Variants in KCNQ2 observed in about 807,000 individuals in gnomAD.
KCNQ2 encodes potassium voltage-gated channel subfamily KQT member 2.
Under a neutral mutation model 84.8 loss-of-function variants are expected in KCNQ2, and 14 were observed. The ratio of observed to expected loss-of-function variants is 0.17; its 90% CI spans 0.11 to 0.26. The LOEUF is 0.26. Ranked by LOEUF, KCNQ2 falls within the 10% of genes least tolerant of loss-of-function variation. The probability of loss-of-function intolerance (pLI) is 1.00; values close to 1 mark genes in which losing one functional copy is unlikely to be tolerated. For synonymous variants in KCNQ2, 599 were observed against 554.1 expected (o/e 1.08, Z -1.14); for missense variants, 788 against 1,254.0 (o/e 0.63, Z 5.61).
intron 1 of KCNQ2, among the ~76,000 whole-genome samples, chr20:63,455,408 G>A (rs912097442): frequency 2.6e-5 from 4 of 152,250 alleles, no homozygotes; most frequent in East Asian, 1.9e-4. Context: ...GACCGCGGGC[G>A]TCGGCTGGGG....
In KCNQ2 at chr20:63,460,208, G is replaced by A. The variant is rs1267033263; in HGVS notation, c.296+11960C>T. On this transcript the variant is annotated intron_variant, in intron 1 of 16. Transcript: ENST00000359125. The surrounding 1 kb of genome is among the most constrained non-coding windows in gnomAD (Gnocchi z 5.4). Reference sequence around the variant, plus strand: ...TGGCCTGGCCTGGGCTCCTGACCCTGCAGGTCCCTCCCTGGCCTTACCCAA... The same window carrying A: ...TGGCCTGGCCTGGGCTCCTGACCCTACAGGTCCCTCCCTGGCCTTACCCAA... Among the ~76,000 whole-genome samples the A allele has an allele frequency of 6.6e-6, 1 of 152,168 alleles. No individual in the cohort carries two copies. Among genetic ancestry groups the A allele is most frequent in the Non-Finnish European group, 1.5e-5 (1 of 68,022 alleles).
At chr20:63,439,974 G>A (rs1014607403) in intron 5 of KCNQ2, among the ~76,000 whole-genome samples, 1 of 152,250 alleles carries the variant, frequency 6.6e-6, no homozygotes, top group Non-Finnish European at 1.5e-5. Context: ...GAGGCCCAGC[G>A]ACGTGACTCC....
chr20:63,464,301 C>G (rs922706163), intron 1 of KCNQ2, among the ~76,000 whole-genome samples: 4 of 151,994 alleles, frequency 2.6e-5, no homozygotes, highest in African/African-American at 9.7e-5. Context: ...CCTCTCCACT[C>G]AAGCCGATGT....
At chr20:63,454,741 G>A (rs769013082) in intron 1 of KCNQ2, among the ~76,000 whole-genome samples, 1 of 152,220 alleles carries the variant, frequency 6.6e-6, no homozygotes, top group Admixed American at 6.5e-5. Context: ...GGGAGAGGGC[G>A]GCAGGAGACC....
rs1442579419 is a variant in KCNQ2 at position 63,400,635 on chromosome 20, A to G, written c.*6009T>C. 5.0e-6 allele frequency: 2 copies of G among 398,546 alleles called. No individual in the cohort carries two copies. The highest frequency in any genetic ancestry group is 4.4e-5 in the Admixed American group (1 of 22,726). The allele number at this position is 398,546 out of a possible 1,614,324, so 24.7% of individuals were successfully genotyped here. On this transcript the variant is annotated 3_prime_UTR_variant, in exon 17 of 17. Transcript: ENST00000359125. The surrounding 1 kb of genome is among the most constrained non-coding windows in gnomAD (Gnocchi z 8.7). ...ACAAAAGTGCAGACAGCCAGAGGCA[A>G]CGGCGCAAATGGGGAAGCTGCAGCC...
chr20:63,431,637 G>A (rs919750936), intron 8 of KCNQ2, among the ~76,000 whole-genome samples: 3 of 152,082 alleles, frequency 2.0e-5, no homozygotes, highest in African/African-American at 4.8e-5. Flanking sequence ...GGATGGTGCT[G>A]AGGGAGGGGT....
chr20:63,451,171 A>C (rs1291028201), intron 1 of KCNQ2, among the ~76,000 whole-genome samples: 2 of 151,904 alleles, frequency 1.3e-5, no homozygotes, highest in Non-Finnish European at 2.9e-5. Context: ...ACAAACAAAA[A>C]AATGAAGACC....
intron 1 of KCNQ2, among the ~76,000 whole-genome samples, chr20:63,454,279 TGCCCCTCCTGCCACA>T (rs2081706858): frequency 6.6e-6 from 1 of 152,156 alleles, no homozygotes; most frequent in Non-Finnish European, 1.5e-5. Flanking sequence ...CTCCCGCCGC[TGCCCCTCCTGCCACA>T]GCCCCACCCG....
rs3746363 is a variant in KCNQ2 at position 63,407,457 on chromosome 20, G to C, written c.1888-82C>G. 0.087 allele frequency: 111,191 copies of C among 1,274,820 alleles called. 10,528 individuals carry two copies. The highest frequency in any genetic ancestry group is 0.41 in the East Asian group (15,345 of 37,410). The allele number at this position is 1,274,820 out of a possible 1,614,324, so 79.0% of individuals were successfully genotyped here. A position where few individuals can be genotyped will look rare whatever the true frequency, so the allele number is the denominator to read the frequency against. On this transcript the variant is annotated intron_variant, in intron 16 of 16. Transcript: ENST00000359125. The surrounding 1 kb of genome is among the most constrained non-coding windows in gnomAD (Gnocchi z 7.2). Reference sequence around the variant, plus strand: ...CCCAGGCTGCTCCCAGGAAATGGGGGGGCCCAGGCTGGTTCCAGGAAACAG... The same window carrying C: ...CCCAGGCTGCTCCCAGGAAATGGGGCGGCCCAGGCTGGTTCCAGGAAACAG...
rs1448485869 is a variant in KCNQ2, at chr20:63,405,715, CCAGGGCAGT to C, written c.*920_*928del. ...TGGGTCTCGCAGTGCCGGCACCCGG[CCAGGGCAGT>C]CAGGAGAGAGGGGAGGACTTGGGGT... On this transcript the variant is annotated 3_prime_UTR_variant, in exon 17 of 17. Coordinates refer to ENST00000359125, the MANE Select transcript of KCNQ2 (RefSeq NM_172107.4). The C allele has an allele frequency of 6.6e-6, 1 of 152,368 alleles. No homozygotes were observed. The highest frequency in any genetic ancestry group is 1.5e-5 in the Non-Finnish European group (1 of 68,170). The allele number at this position is 152,368 out of a possible 1,614,324, so 9.4% of individuals were successfully genotyped here.
rs186094769 is a variant in KCNQ2, at chr20:63,425,714, C to T, written c.1218-1508G>A. Among the ~76,000 whole-genome samples the T allele has an allele frequency of 9.9e-5, 15 of 151,932 alleles. No homozygotes were observed. The highest frequency in any genetic ancestry group is 2.6e-4 in the Admixed American group (4 of 15,256). ...CAGCCTGAGTGACGCAGGGAGACTC[C>T]GTCTCAGAGAAAAAAAAAAGAAATC... On this transcript the variant is annotated intron_variant, in intron 10 of 16. Transcript: ENST00000359125. This position sits in a 1 kb window ranked among gnomAD's most constrained non-coding sequence, Gnocchi z 5.5.
rs918085123 is a variant in KCNQ2 at position 63,428,445 on chromosome 20, GAGA to G, written c.1149-13_1149-11del. On this transcript the variant is annotated splice_polypyrimidine_tract_variant and intron_variant, in intron 9 of 16. Coordinates refer to ENST00000359125, the MANE Select transcript of KCNQ2 (RefSeq NM_172107.4). Reference sequence around the variant, plus strand: ...CAGCGGGGGGATAAGTCTGGGGCAAGAGAAGGAGAGGGGAGTGAGCGTCTCACC... The same window carrying G: ...CAGCGGGGGGATAAGTCTGGGGCAAGAGGAGAGGGGAGTGAGCGTCTCACC... 42 of 1,583,732 alleles carry G rather than the reference GAGA, an allele frequency of 2.7e-5. No individual in the cohort carries two copies. The highest frequency in any genetic ancestry group is 3.0e-5 in the Non-Finnish European group (35 of 1,164,824).
intron 1 of KCNQ2, among the ~76,000 whole-genome samples, chr20:63,455,681 C>T (rs1007693120): frequency 9.2e-5 from 14 of 151,924 alleles, no homozygotes; most frequent in Admixed American, 9.2e-4. Flanking sequence ...GGGCCCCCAC[C>T]GCCCAGTTAA....
intron 1 of KCNQ2, among the ~76,000 whole-genome samples, chr20:63,465,955 G>A (rs1447734188): frequency 6.6e-6 from 1 of 152,286 alleles, no homozygotes; most frequent in Admixed American, 6.5e-5. Flanking sequence ...GTCCCGAGGC[G>A]GCCCGGCGGG....
intron 7 of KCNQ2, among the ~76,000 whole-genome samples, chr20:63,435,003 AAAC>A (rs2080950555): frequency 6.6e-6 from 1 of 152,216 alleles, no homozygotes; most frequent in African/African-American, 2.4e-5. Flanking sequence ...ACTTTCTGAG[AAAC>A]AACCGAACTG....
intron 15 of KCNQ2, chr20:63,410,045 T>TCGG (rs1175789407): frequency 3.6e-6 from 1 of 275,360 alleles, no homozygotes; most frequent in African/African-American, 2.3e-5. Context: ...CAGGCTCGCG[T>TCGG]CGGCCACAGT....
intron 7 of KCNQ2, among the ~76,000 whole-genome samples, chr20:63,436,975 C>A (rs888614023): frequency 6.6e-5 from 10 of 152,066 alleles, no homozygotes; most frequent in Admixed American, 6.6e-5. Context: ...GATGGGGTTT[C>A]ACCATGTTGG....
At chr20:63,451,257 C>T (rs2081608196) in intron 1 of KCNQ2, among the ~76,000 whole-genome samples, 1 of 152,164 alleles carries the variant, frequency 6.6e-6, no homozygotes, top group Non-Finnish European at 1.5e-5. Context: ...GTCTTCACCG[C>T]CGCTGTCTCA....
intron 9 of KCNQ2, among the ~76,000 whole-genome samples, chr20:63,429,657 C>G (rs1024157097): frequency 1.8e-4 from 27 of 152,216 alleles, no homozygotes; most frequent in African/African-American, 6.5e-4. Flanking sequence ...TCAATGGCTC[C>G]CCACTGCCTC....
Sources: gnomAD v4.1 joint callset for allele counts (sites outside exome capture counted in the v4.1 genomes callset) on GRCh38, gnomAD v4.1.1 for gene constraint, Gnocchi (gnomAD v3.1) non-coding constraint, MANE v1.5 for transcripts, NCBI Gene and HGNC (gene_info 2026-07-23, HGNC 2026-07-21) for gene names.